RARS2: variants seen among roughly 807,000 people sequenced by gnomAD.
RARS2 encodes the protein probable arginine--tRNA ligase, mitochondrial.
A neutral mutation model predicts 88.5 loss-of-function variants in RARS2; 67 were observed. That is an observed-to-expected ratio of 0.76 (90% CI 0.62 to 0.93). The LOEUF (loss-of-function observed/expected upper bound fraction) is 0.93. RARS2 is among the 40% of genes least tolerant of loss of function. RARS2 has a pLI of 0.00. For synonymous variants in RARS2, 239 were observed against 230.3 expected (o/e 1.04, Z -0.34); for missense variants, 664 against 684.2 (o/e 0.97, Z 0.33).
At chr6:87,582,368 C>CT (rs71029361) in intron 1 of RARS2, among the ~76,000 whole-genome samples, 5 of 152,100 alleles carry the variant, frequency 3.3e-5, no homozygotes, top group Non-Finnish European at 7.4e-5. Flanking sequence ...TGATGTTGAG[C>CT]TTTTTTTCGA....
At chr6:87,589,092 C>T (rs1184498425) in intron 1 of RARS2, among the ~76,000 whole-genome samples, 1 of 152,218 alleles carries the variant, frequency 6.6e-6, no homozygotes, top group Non-Finnish European at 1.5e-5. Flanking sequence ...ATACACCAGG[C>T]TAATTACGTC....
At position 87,562,790 on chromosome 6, in the gene RARS2, A is replaced by T; in HGVS notation, c.214-5T>A. ...CACCACTGTATCACATCTTAGCTGA[A>T]AAGAACAAATCACACAAAGTAGGTA... On this transcript the variant is annotated splice_polypyrimidine_tract_variant and splice_region_variant and intron_variant, in intron 3 of 19. Transcript: ENST00000369536. The T allele has an allele frequency of 6.2e-7, 1 of 1,608,880 alleles. No homozygotes were observed. The highest frequency in any genetic ancestry group is 8.5e-7 in the Non-Finnish European group (1 of 1,175,258).
chr6:87,527,296 A>G (rs1776071615), intron 10 of RARS2, among the ~76,000 whole-genome samples: 1 of 152,114 alleles, frequency 6.6e-6, no homozygotes, highest in African/African-American at 2.4e-5. Context: ...TGATACAGTG[A>G]GACCCCGTCT....
intron 8 of RARS2, among the ~76,000 whole-genome samples, chr6:87,532,565 G>C (rs1013181149): frequency 5.9e-5 from 9 of 152,234 alleles, no homozygotes; most frequent in African/African-American, 2.2e-4. Flanking sequence ...GGAAGTATGT[G>C]CACCTTGTGT....
rs36032606 is a variant in RARS2, at chr6:87,566,849, C to CAAAA, written c.111-2621_111-2618dup. Among the ~76,000 whole-genome samples the CAAAA allele has an allele frequency of 8.5e-3, 513 of 60,088 alleles. 14 individuals carry two copies. The highest frequency in any genetic ancestry group is 0.013 in the Middle Eastern group (1 of 76). The allele number at this position is 60,088 out of a possible 152,430, so 39.4% of individuals were successfully genotyped here. On this transcript the variant is annotated intron_variant, in intron 2 of 19. Coordinates refer to ENST00000369536, the MANE Select transcript of RARS2 (RefSeq NM_020320.5). ...CAACCAACAGAGCTAGGTCCTGTCT[C>CAAAA]AAAAAAAAAAAAAAAAAAAAAAAAT... is the stretch of plus-strand genomic sequence containing the variant.
chr6:87,530,193 C>CT (rs1265437488), intron 9 of RARS2, among the ~76,000 whole-genome samples: 2 of 152,162 alleles, frequency 1.3e-5, no homozygotes, highest in African/African-American at 4.8e-5. Flanking sequence ...AATCATGCCC[C>CT]ATATGCTACT....
intron 9 of RARS2, among the ~76,000 whole-genome samples, chr6:87,530,576 T>C (rs1421305424): frequency 1.3e-5 from 2 of 152,156 alleles, no homozygotes; most frequent in African/African-American, 2.4e-5. Context: ...AAAAGTCAGA[T>C]AAAAATGAAG....
intron 8 of RARS2, among the ~76,000 whole-genome samples, chr6:87,537,879 A>G (rs1057515053): frequency 5.3e-5 from 8 of 152,212 alleles, no homozygotes; most frequent in African/African-American, 1.9e-4. Flanking sequence ...GTGACCAGAA[A>G]TAACGATGGG....
Position 87,559,845 on chromosome 6 carries a change from T to A in RARS2, c.297+2857A>T, listed in dbSNP as rs1158806547. ...GCAACTTCCAGTCCTGCAAGCTCCA[T>A]TCATGGTAAATACAGGTATAGCATC... On this transcript the variant is annotated intron_variant, in intron 4 of 19. Transcript: ENST00000369536. Among the ~76,000 whole-genome samples the A allele has an allele frequency of 3.9e-5, 6 of 152,290 alleles. No individual in the cohort carries two copies. The East Asian group carries it at 1.2e-3, about 29-fold the overall frequency.
chr6:87,519,660 C>T lies in RARS2; in HGVS notation c.1160G>A (p.Arg387Lys). The stretch of plus-strand genomic sequence containing the variant: ...ATCTTCCAGGAAAGTGACATCTCCT[C>T]TTCGAGTCTTCATTCCCTGTACTAC... ...FGVVQGMKTRRGDVTFLEDVL... is the reference protein window; with the variant it reads ...FGVVQGMKTRKGDVTFLEDVL... Residue 387 changes from arginine to lysine, a missense_variant, in exon 14 of 20, where the codon AGA becomes AAA. By Grantham distance (26) the Arg-to-Lys change is conservative. Transcript: ENST00000369536. 6.2e-7 allele frequency: 1 copy of T among 1,613,322 alleles called. No homozygotes were observed.
intron 1 of RARS2, among the ~76,000 whole-genome samples, chr6:87,583,373 T>C (rs565934973): frequency 7.3e-4 from 111 of 152,278 alleles, no homozygotes; most frequent in African/African-American, 2.6e-3. Flanking sequence ...GCAGATCACC[T>C]GAGGTCGGGA....
chr6:87,555,559 ACT>A, intron 4 of RARS2, 54 bp from the exon 5 acceptor site: 1 of 1,317,660 alleles, frequency 7.6e-7, no homozygotes, highest in Non-Finnish European at 1.1e-6. Context: ...GCTTTTAATT[ACT>A]CTGTTACTGA....
chr6:87,535,676 GTTTT>G (rs10710147), intron 8 of RARS2, among the ~76,000 whole-genome samples: 3 of 111,390 alleles, frequency 2.7e-5, no homozygotes, highest in African/African-American at 1.1e-4. Context: ...TAACTGTTTT[GTTTT>G]TTTTTTTTTT....
rs16879572 is a variant in RARS2, at chr6:87,577,061, T to C, written c.37-7471A>G. 6.8e-4 allele frequency among the ~76,000 whole-genome samples: 104 copies of C among 152,344 alleles called. 2 individuals are homozygous for C. In the East Asian group the frequency reaches 0.013, roughly 19 times the overall value. ...TGAATTAATTGACAACACAGGAAGA[T>C]TGGAAAATTTTACAATTACACTGGG... On this transcript the variant is annotated intron_variant, in intron 1 of 19. Transcript: ENST00000369536.
intron 5 of RARS2, among the ~76,000 whole-genome samples, chr6:87,553,689 G>C (rs1784994494): frequency 6.6e-6 from 1 of 152,248 alleles, no homozygotes; most frequent in Non-Finnish European, 1.5e-5. Flanking sequence ...TTCAAGTGGA[G>C]ATAAAGCAGG....
In RARS2 at chr6:87,519,617, T is replaced by C. The variant is rs757387579; in HGVS notation, c.1203A>G (p.Gln401=). 1.3e-5 allele frequency: 21 copies of C among 1,612,176 alleles called. No homozygotes were observed. The highest frequency in any genetic ancestry group is 4.0e-5 in the African/African-American group (3 of 74,894). The part of the protein sequence containing the change: ...TFLEDVLNEI[Q]LRMLQNMASI... ...AAGCCATGTTCTGTAGCATCCTTAA[T>C]TGAATCTCATTTAAAACATCTTCCA... Residue 401 remains glutamine (Q), a synonymous_variant, in exon 14 of 20, where the codon CAA becomes CAG. Transcript: ENST00000369536.
chr6:87,556,060 T>C (rs1163385184), intron 4 of RARS2, among the ~76,000 whole-genome samples: 2 of 152,248 alleles, frequency 1.3e-5, no homozygotes, highest in African/African-American at 2.4e-5. Context: ...CTGCTGCAGC[T>C]TTTGTGATAT....
At chr6:87,585,733 AAAT>A (rs1462172783) in intron 1 of RARS2, among the ~76,000 whole-genome samples, 6 of 112,950 alleles carry the variant, frequency 5.3e-5, no homozygotes, top group Non-Finnish European at 9.0e-5. Context: ...CTCCATCTCA[AAAT>A]AAATAAATAA....
rs1309667170 is a variant in RARS2, at chr6:87,519,580, C to T, written c.1237+3G>A. The T allele has an allele frequency of 6.2e-7, 1 of 1,611,278 alleles. No homozygotes were observed. The highest frequency in any genetic ancestry group is 1.7e-5 in the Admixed American group (1 of 59,986). On this transcript the variant is annotated splice_donor_region_variant and intron_variant, in intron 14 of 19. Coordinates refer to ENST00000369536, the MANE Select transcript of RARS2 (RefSeq NM_020320.5). ...GACTTTAATAAGAAAAAACTGAATT[C>T]ACTCTTAATTGAAGCCATGTTCTGT...
Sources: allele counts gnomAD v4.1 joint callset (sites outside exome capture counted in the v4.1 genomes callset), GRCh38; gene constraint gnomAD v4.1.1; transcripts MANE v1.5; gene names NCBI Gene and HGNC (gene_info 2026-07-23, HGNC 2026-07-21).